The following GNAQ variants were observed in gnomAD, a reference collection of about 807,000 sequenced individuals.
GNAQ encodes G protein subunit alpha q, also known as guanine nucleotide-binding protein G(q) subunit alpha.
Under a neutral mutation model 43.9 loss-of-function variants are expected in GNAQ, and 8 were observed. The observed-to-expected ratio is 0.18, with a 90% CI of 0.11 to 0.33. GNAQ has a LOEUF of 0.33. GNAQ is among the 10% of genes least tolerant of loss of function. The probability of loss-of-function intolerance (pLI) is 1.00; values close to 1 mark genes in which losing one functional copy is unlikely to be tolerated. For missense variants in GNAQ, 158 were observed against 450.8 expected, an observed-to-expected ratio of 0.35 and a Z score of 5.88; for synonymous variants, 155 against 170.7, an observed-to-expected ratio of 0.91 and a Z score of 0.71.
At chr9:77,815,264 T>C (rs1564118806) in intron 3 of GNAQ, among the ~76,000 whole-genome samples, 1 of 152,202 alleles carries the variant, frequency 6.6e-6, no homozygotes. Context: ...TTGGATTTTC[T>C]ATCAAAAATT....
intron 2 of GNAQ, among the ~76,000 whole-genome samples, chr9:77,884,405 C>T (rs748493038): frequency 2.6e-5 from 4 of 152,092 alleles, no homozygotes; most frequent in South Asian, 2.1e-4. Flanking sequence ...AAAATGCAAA[C>T]GACTATTAGG....
chr9:77,833,948 T>C (rs1827341452), intron 2 of GNAQ, among the ~76,000 whole-genome samples: 1 of 152,166 alleles, frequency 6.6e-6, no homozygotes, highest in African/African-American at 2.4e-5. Flanking sequence ...TCTGATAAAA[T>C]TAAAACCACA....
At chr9:77,929,816 C>CA (rs1353984311) in intron 1 of GNAQ, among the ~76,000 whole-genome samples, 2 of 152,090 alleles carry the variant, frequency 1.3e-5, no homozygotes, top group Non-Finnish European at 2.9e-5. Context: ...GGCGACAAAG[C>CA]AAGACCCTGT....
At chr9:78,016,736 C>A (rs1823844026) in intron 1 of GNAQ, among the ~76,000 whole-genome samples, 1 of 151,514 alleles carries the variant, frequency 6.6e-6, no homozygotes, top group African/African-American at 2.4e-5. Flanking sequence ...GATAGAAAAT[C>A]TAATTCAAAT....
chr9:77,764,028 C>G (rs1564103992), intron 5 of GNAQ, among the ~76,000 whole-genome samples: 4 of 152,184 alleles, frequency 2.6e-5, no homozygotes, highest in Admixed American at 2.0e-4. Context: ...CAAAAAGTTT[C>G]AAAGCAGTGA....
At chr9:78,005,230 G>A (rs1823691151) in intron 1 of GNAQ, among the ~76,000 whole-genome samples, 1 of 152,130 alleles carries the variant, frequency 6.6e-6, no homozygotes, top group Non-Finnish European at 1.5e-5. Context: ...ATTATTTGTA[G>A]AGATGGTGTT....
intron 2 of GNAQ, among the ~76,000 whole-genome samples, chr9:77,902,637 T>A (rs993695163): frequency 6.6e-6 from 1 of 152,226 alleles, no homozygotes; most frequent in African/African-American, 2.4e-5. Context: ...CACAAACTGT[T>A]ATTGATAATG....
chr9:77,843,833 A>C (rs1827530559), intron 2 of GNAQ, among the ~76,000 whole-genome samples: 1 of 152,160 alleles, frequency 6.6e-6, no homozygotes, highest in Non-Finnish European at 1.5e-5. Flanking sequence ...CATCAGACTA[A>C]GCCACCTAAA....
At chr9:77,977,386 A>G (rs1823315330) in intron 1 of GNAQ, among the ~76,000 whole-genome samples, 1 of 152,134 alleles carries the variant, frequency 6.6e-6, no homozygotes, top group South Asian at 2.1e-4. Flanking sequence ...TTGACCGCCC[A>G]CATGGAGGCG....
At chr9:77,961,568 C>T (rs2118422376) in intron 1 of GNAQ, among the ~76,000 whole-genome samples, 1 of 152,228 alleles carries the variant, frequency 6.6e-6, no homozygotes, top group African/African-American at 2.4e-5. Flanking sequence ...AGGTTCACTG[C>T]ACCACAAAGA....
intron 2 of GNAQ, among the ~76,000 whole-genome samples, chr9:77,905,921 G>A (rs1197858656): frequency 6.6e-6 from 1 of 152,094 alleles, no homozygotes; most frequent in Non-Finnish European, 1.5e-5. Context: ...CACAAACTGG[G>A]AGCTGTCAGG....
Position 77,729,793 on chromosome 9 carries a change from C to T in GNAQ, c.736-1126G>A, listed in dbSNP as rs939091952. 7.2e-5 allele frequency among the ~76,000 whole-genome samples: 11 copies of T among 152,252 alleles called. 1 individual carries two copies. The highest frequency in any genetic ancestry group is 1.9e-4 in the East Asian group (1 of 5,180). ...GGGATTGTGCCCACCTCTGCTGCTA[C>T]GGGGTGGTTTGGTGGCGTACACCAG... On this transcript the variant is annotated intron_variant, in intron 5 of 6. Coordinates refer to ENST00000286548, the MANE Select transcript of GNAQ (RefSeq NM_002072.5).
chr9:77,814,179 A>T (rs1386011920), intron 3 of GNAQ, among the ~76,000 whole-genome samples: 2 of 152,120 alleles, frequency 1.3e-5, no homozygotes, highest in Non-Finnish European at 2.9e-5. Flanking sequence ...CAGAATTTAG[A>T]ACATGCAAGA....
chr9:78,030,622 C>A, intron 1 of GNAQ: 1 of 449,072 alleles, frequency 2.2e-6, no homozygotes, highest in Non-Finnish European at 4.7e-6. Flanking sequence ...CCACCGCAGG[C>A]CATCCCCCAA....
intron 1 of GNAQ, among the ~76,000 whole-genome samples, chr9:77,974,646 G>C (rs1320725080): frequency 6.6e-6 from 1 of 152,136 alleles, no homozygotes; most frequent in Non-Finnish European, 1.5e-5. Flanking sequence ...CAACACCCAG[G>C]ATGCAAGGCT....
intron 2 of GNAQ, among the ~76,000 whole-genome samples, chr9:77,904,621 C>A (rs1361755617): frequency 6.6e-6 from 1 of 151,990 alleles, no homozygotes; most frequent in Non-Finnish European, 1.5e-5. Context: ...TGTGAGTCAC[C>A]GTGCCCGGCC....
chr9:77,971,579 G>A (rs1229306906), intron 1 of GNAQ, among the ~76,000 whole-genome samples: 1 of 152,136 alleles, frequency 6.6e-6, no homozygotes. Flanking sequence ...AAATTCAACA[G>A]CATTTCATGC....
intron 5 of GNAQ, among the ~76,000 whole-genome samples, chr9:77,774,555 G>A (rs1411933495): frequency 6.6e-6 from 1 of 152,146 alleles, no homozygotes; most frequent in Non-Finnish European, 1.5e-5. Context: ...TCAAACTCCT[G>A]GGCTCAAGTG....
At chr9:77,848,575 G>C (rs1827622460) in intron 2 of GNAQ, among the ~76,000 whole-genome samples, 1 of 152,232 alleles carries the variant, frequency 6.6e-6, no homozygotes, top group African/African-American at 2.4e-5. Flanking sequence ...GCCTCTTCCA[G>C]AGTTGGCTTG....
Sources: allele counts gnomAD v4.1 joint callset (sites outside exome capture counted in the v4.1 genomes callset), GRCh38; gene constraint gnomAD v4.1.1; transcripts MANE v1.5; gene names NCBI Gene and HGNC (gene_info 2026-07-23, HGNC 2026-07-21).